DAB1: variants seen among roughly 807,000 people sequenced by gnomAD.
DAB1 encodes the protein DAB adaptor protein 1.
Under a neutral mutation model 64.6 loss-of-function variants are expected in DAB1, and 15 were observed. The ratio of observed to expected loss-of-function variants is 0.23; its 90% CI spans 0.16 to 0.36. The LOEUF (loss-of-function observed/expected upper bound fraction) is 0.36, where lower values mean the gene tolerates loss of function less well. DAB1 is among the 10% of genes least tolerant of loss of function. The pLI is 1.00. For missense variants in DAB1, 596 were observed against 706.7 expected, an observed-to-expected ratio of 0.84 and a Z score of 1.78; for synonymous variants, 235 against 251.9, an observed-to-expected ratio of 0.93 and a Z score of 0.64.
intron 5 of DAB1, among the ~76,000 whole-genome samples, chr1:57,949,871 C>G (rs1465542344): frequency 6.6e-6 from 1 of 152,172 alleles, no homozygotes; most frequent in Non-Finnish European, 1.5e-5. Context: ...CTTTCAGGCA[C>G]TGGGGTTGTC....
chr1:57,201,235 G>T (rs558209141), intron 2 of DAB1, among the ~76,000 whole-genome samples: 2 of 151,890 alleles, frequency 1.3e-5, no homozygotes, highest in Non-Finnish European at 2.9e-5. Context: ...CAGCAAGCAA[G>T]CATTCATTCA....
chr1:58,346,030 G>A (rs1296905371), intron 3 of DAB1, among the ~76,000 whole-genome samples: 1 of 152,182 alleles, frequency 6.6e-6, no homozygotes, highest in Non-Finnish European at 1.5e-5. Flanking sequence ...GTTCAGTGAT[G>A]AGAAAGCGAT....
chr1:57,442,026 C>G (rs1346013695), intron 7 of DAB1, among the ~76,000 whole-genome samples: 1 of 152,112 alleles, frequency 6.6e-6, no homozygotes, highest in South Asian at 2.1e-4. Flanking sequence ...TTGCATATCT[C>G]TAATGATTAG....
chr1:57,839,545 C>T (rs1283863778), intron 1 of DAB1, among the ~76,000 whole-genome samples: 1 of 152,176 alleles, frequency 6.6e-6, no homozygotes, highest in Non-Finnish European at 1.5e-5. Flanking sequence ...TTTATTATGG[C>T]TCATTGCCCT....
At chr1:57,986,816 A>G (rs1031867397) in intron 5 of DAB1, among the ~76,000 whole-genome samples, 11 of 152,212 alleles carry the variant, frequency 7.2e-5, no homozygotes, top group African/African-American at 2.7e-4. Context: ...AACCATTATT[A>G]TTCAAATTAT....
chr1:57,518,686 A>C (rs1644490984), intron 7 of DAB1, among the ~76,000 whole-genome samples: 1 of 152,134 alleles, frequency 6.6e-6, no homozygotes. Context: ...TAGAGTCTCA[A>C]ACCACATAAG....
chr1:57,462,016 C>T (rs557021440), intron 7 of DAB1, among the ~76,000 whole-genome samples: 74 of 142,380 alleles, frequency 5.2e-4, no homozygotes, highest in Middle Eastern at 8.1e-3. Context: ...TGCAATGGCA[C>T]GATCTTGGCT....
At chr1:58,098,041 G>A (rs1027147765) in intron 5 of DAB1, among the ~76,000 whole-genome samples, 6 of 152,176 alleles carry the variant, frequency 3.9e-5, no homozygotes, top group African/African-American at 1.4e-4. Context: ...TCCAGTGTTA[G>A]TGGACAAAGC....
intron 7 of DAB1, among the ~76,000 whole-genome samples, chr1:57,607,778 TGA>T (rs1448270708): frequency 3.9e-4 from 59 of 152,240 alleles, no homozygotes; most frequent in African/African-American, 1.4e-3. Context: ...GGATAATAAA[TGA>T]GAGAGGGCCC....
chr1:57,640,615 A>C (rs1646116994), intron 7 of DAB1, among the ~76,000 whole-genome samples: 1 of 152,160 alleles, frequency 6.6e-6, no homozygotes. Flanking sequence ...CCCTTGTTCT[A>C]ATCAATCCAT....
At chr1:57,869,949 C>T (rs1351566911) in intron 1 of DAB1, among the ~76,000 whole-genome samples, 1 of 152,098 alleles carries the variant, frequency 6.6e-6, no homozygotes, top group Non-Finnish European at 1.5e-5. Context: ...GCTTGGGCTG[C>T]ATCTTTTTCA....
chr1:57,868,860 G>C (rs985262928), intron 1 of DAB1, among the ~76,000 whole-genome samples: 1 of 152,004 alleles, frequency 6.6e-6, no homozygotes, highest in Non-Finnish European at 1.5e-5. Flanking sequence ...TTACCTCTGT[G>C]TCTTGACTCT....
chr1:58,127,391 T>C (rs1361951629), intron 5 of DAB1, among the ~76,000 whole-genome samples: 1 of 151,870 alleles, frequency 6.6e-6, no homozygotes, highest in East Asian at 1.9e-4. Flanking sequence ...TGCGAAAATT[T>C]TCTCCCATTT....
chr1:57,543,646 G>A (rs947137058), intron 7 of DAB1, among the ~76,000 whole-genome samples: 29 of 152,302 alleles, frequency 1.9e-4, no homozygotes, highest in African/African-American at 7.0e-4. Context: ...AAAAGACTTA[G>A]AGAAGATTCC....
intron 9 of DAB1, among the ~76,000 whole-genome samples, chr1:57,036,857 G>A (rs1314717790): frequency 2.6e-5 from 4 of 152,162 alleles, no homozygotes. Context: ...TTTCAAAACA[G>A]TGGGGACACT....
At chr1:57,327,251 G>A (rs911745343) in intron 1 of DAB1, among the ~76,000 whole-genome samples, 2 of 152,030 alleles carry the variant, frequency 1.3e-5, no homozygotes, top group East Asian at 1.9e-4. Context: ...TACACACAGA[G>A]CCCTCTTTAC....
chr1:58,542,317 T>C (rs1215574006), intron 1 of DAB1, among the ~76,000 whole-genome samples: 1 of 152,244 alleles, frequency 6.6e-6, no homozygotes, highest in Non-Finnish European at 1.5e-5. Context: ...TCACAATTCA[T>C]ACTGGAGTAG....
intron 7 of DAB1, among the ~76,000 whole-genome samples, chr1:57,498,615 G>A: frequency 6.6e-6 from 1 of 152,166 alleles, no homozygotes. Context: ...AATGAAGGCT[G>A]TTCAAGTGGT....
intron 2 of DAB1, among the ~76,000 whole-genome samples, chr1:57,252,311 G>A (rs1016817763): frequency 3.0e-4 from 46 of 152,166 alleles, no homozygotes; most frequent in African/African-American, 1.1e-3. Context: ...TATAATCTAA[G>A]TCCTGCATTA....
Sources: gnomAD v4.1 joint callset for allele counts (sites outside exome capture counted in the v4.1 genomes callset) on GRCh38, gnomAD v4.1.1 for gene constraint, MANE v1.5 for transcripts, NCBI Gene and HGNC (gene_info 2026-07-23, HGNC 2026-07-21) for gene names.